Variants in NRXN3 observed in about 807,000 individuals in gnomAD.
NRXN3 encodes the protein neurexin 3.
Under a neutral mutation model 137.6 loss-of-function variants are expected in NRXN3, and 32 were observed. The ratio of observed to expected loss-of-function variants is 0.23; its 90% CI spans 0.18 to 0.31. The LOEUF is 0.31. NRXN3 is among the 10% of genes least tolerant of loss of function. NRXN3 has a pLI of 1.00. For synonymous variants in NRXN3, 798 were observed against 784.5 expected, an observed-to-expected ratio of 1.02 and a Z score of -0.29; for missense variants, 1,574 against 2,062.5, an observed-to-expected ratio of 0.76 and a Z score of 4.59.
intron 19 of NRXN3, among the ~76,000 whole-genome samples, chr14:79,741,801 T>TACAC (rs34107894): frequency 0.063 from 9,298 of 146,850 alleles, 334 homozygotes; most frequent in Middle Eastern, 0.14. Context: ...GTGTATACAT[T>TACAC]ACACACACAC....
chr14:78,366,493 C>G (rs1048098916), intron 4 of NRXN3, among the ~76,000 whole-genome samples: 1 of 152,176 alleles, frequency 6.6e-6, no homozygotes, highest in Non-Finnish European at 1.5e-5. Context: ...CATAATTCCA[C>G]TATTCAGACA....
chr14:78,861,606 T>C (rs1334964754), intron 10 of NRXN3, among the ~76,000 whole-genome samples: 3 of 152,164 alleles, frequency 2.0e-5, no homozygotes, highest in African/African-American at 4.8e-5. Flanking sequence ...TCTTATTTTA[T>C]GCTCATGTTG....
intron 4 of NRXN3, among the ~76,000 whole-genome samples, chr14:78,530,217 C>T (rs2096440992): frequency 6.6e-6 from 1 of 152,164 alleles, no homozygotes; most frequent in Non-Finnish European, 1.5e-5. Flanking sequence ...CCTTTTTAAA[C>T]AGGCCCAGAG....
intron 4 of NRXN3, among the ~76,000 whole-genome samples, chr14:78,416,553 CAAAT>C (rs2093148688): frequency 6.6e-6 from 1 of 152,172 alleles, no homozygotes; most frequent in African/African-American, 2.4e-5. Context: ...GTATTGTAAT[CAAAT>C]AGTCATCTAA....
At chr14:78,844,454 G>A (rs115393741) in intron 10 of NRXN3, among the ~76,000 whole-genome samples, 1,690 of 152,158 alleles carry the variant, frequency 0.011, 22 homozygotes, top group African/African-American at 0.038. Flanking sequence ...CTGAATTTAA[G>A]TTCTTGTTCT....
intron 19 of NRXN3, among the ~76,000 whole-genome samples, chr14:79,769,924 G>A (rs1187882661): frequency 3.3e-5 from 5 of 152,216 alleles, no homozygotes; most frequent in African/African-American, 9.6e-5. Context: ...AAAGGATGGA[G>A]GAAGATCTAC....
intron 4 of NRXN3, among the ~76,000 whole-genome samples, chr14:78,512,204 G>A (rs1163522313): frequency 6.6e-6 from 1 of 152,096 alleles, no homozygotes; most frequent in Non-Finnish European, 1.5e-5. Flanking sequence ...TGTAAGTCAT[G>A]TAAGTAAGAC....
At chr14:79,722,175 AC>A (rs2098846884) in intron 19 of NRXN3, among the ~76,000 whole-genome samples, 1 of 151,940 alleles carries the variant, frequency 6.6e-6, no homozygotes, top group African/African-American at 2.4e-5. Context: ...GGTTAAATAC[AC>A]CCCTCCTCTC....
intron 15 of NRXN3, among the ~76,000 whole-genome samples, chr14:79,245,743 C>G (rs1259292459): frequency 6.6e-6 from 1 of 152,150 alleles, no homozygotes; most frequent in Non-Finnish European, 1.5e-5. Context: ...TAGATTCCAT[C>G]CACTGATTTT....
At chr14:79,699,429 C>T (rs1301092574) in intron 19 of NRXN3, among the ~76,000 whole-genome samples, 1 of 151,944 alleles carries the variant, frequency 6.6e-6, no homozygotes, top group East Asian at 1.9e-4. Flanking sequence ...AAGCAAATGG[C>T]TTTTTCTTCA....
At chr14:79,354,125 T>C (rs2093334540) in intron 15 of NRXN3, among the ~76,000 whole-genome samples, 1 of 152,170 alleles carries the variant, frequency 6.6e-6, no homozygotes, top group African/African-American at 2.4e-5. Context: ...GTCAAATGTT[T>C]AATCTCAGGA....
chr14:79,697,991 G>A, intron 19 of NRXN3, 54 bp downstream of exon 19: 1 of 1,478,924 alleles, frequency 6.8e-7, no homozygotes, highest in Non-Finnish European at 9.3e-7. Flanking sequence ...TTGCAACATT[G>A]TTATCATGGT....
In NRXN3 at chr14:78,714,839, C is replaced by G; in HGVS notation, c.1744C>G (p.Leu582Val). ...CCTGGACCTGGAAGGAGACATGTAC[C>G]TGGGAGGGCTGCCGGAGAACCGTGC... ...EILDLEGDMY[L>V]GGLPENRAGL... Residue 582 changes from leucine (L) to valine (V), a missense_variant, in exon 8 of 21, where the codon CTG becomes GTG. Coordinates refer to ENST00000335750, the MANE Select transcript of NRXN3 (RefSeq NM_001330195.2). The G allele has an allele frequency of 6.2e-7, 1 of 1,614,190 alleles. No homozygotes were observed. The highest frequency in any genetic ancestry group is 8.5e-7 in the Non-Finnish European group (1 of 1,180,018).
At chr14:79,800,923 A>T (rs1193609220) in intron 19 of NRXN3, among the ~76,000 whole-genome samples, 1 of 152,218 alleles carries the variant, frequency 6.6e-6, no homozygotes, top group Admixed American at 6.5e-5. Flanking sequence ...GATGTTAGGG[A>T]CAAAAGTAGT....
chr14:79,383,095 CTTG>C (rs1446515953), intron 15 of NRXN3, among the ~76,000 whole-genome samples: 3 of 152,058 alleles, frequency 2.0e-5, no homozygotes, highest in African/African-American at 4.8e-5. Flanking sequence ...GCACTGGTCT[CTTG>C]TTTCTTCTAT....
At chr14:78,562,868 CAA>C (rs2096800159) in intron 4 of NRXN3, among the ~76,000 whole-genome samples, 1 of 152,194 alleles carries the variant, frequency 6.6e-6, no homozygotes. Context: ...TTTTGTCTAA[CAA>C]AGAGTGTAAA....
intron 15 of NRXN3, among the ~76,000 whole-genome samples, chr14:79,237,329 A>G (rs1323378341): frequency 2.0e-5 from 3 of 152,192 alleles, no homozygotes; most frequent in Non-Finnish European, 4.4e-5. Context: ...TAAGATTAAA[A>G]TGAGCAGATT....
Position 79,849,134 on chromosome 14 carries a change from T to C in NRXN3, c.4094-12208T>C, listed in dbSNP as rs140151958. On this transcript the variant is annotated intron_variant, in intron 20 of 20. Coordinates refer to ENST00000335750, the MANE Select transcript of NRXN3 (RefSeq NM_001330195.2). ...TTTCCTTTGCTCCAGCTACCCATGC[T>C]GTAGTGTAAGTCACCATCATTTCTT... Among the ~76,000 whole-genome samples the C allele has an allele frequency of 9.7e-4, 148 of 152,312 alleles. 2 individuals carry two copies. Among genetic ancestry groups the C allele is most frequent in the African/African-American group, 1.6e-3 (66 of 41,576 alleles).
At position 78,363,418 on chromosome 14, in the gene NRXN3, A is replaced by G. The variant is rs1035488126; in HGVS notation, c.757+65558A>G. Among the ~76,000 whole-genome samples the G allele has an allele frequency of 2.6e-5, 4 of 152,246 alleles. No homozygotes were observed. In the South Asian group the frequency reaches 8.3e-4, roughly 32 times the overall value. ...GAACTTTTTATTGAGAACCTATGAC[A>G]TGCTAACTCCTGGATTCTATCAGGT... On this transcript the variant is annotated intron_variant, in intron 4 of 20. Coordinates refer to ENST00000335750, the MANE Select transcript of NRXN3 (RefSeq NM_001330195.2).
Sources: allele counts gnomAD v4.1 joint callset (sites outside exome capture counted in the v4.1 genomes callset), GRCh38; gene constraint gnomAD v4.1.1; transcripts MANE v1.5; gene names NCBI Gene and HGNC (gene_info 2026-07-23, HGNC 2026-07-21).